TNFSF15: variants seen among roughly 807,000 people sequenced by gnomAD.
The protein encoded by TNFSF15 is tumor necrosis factor ligand superfamily member 15.
In TNFSF15, 15 loss-of-function variants were observed where a neutral mutation model predicts 26.4. The ratio of observed to expected loss-of-function variants is 0.57; its 90% confidence interval spans 0.38 to 0.87. The LOEUF (loss-of-function observed/expected upper bound fraction) is 0.87. Among genes scored for constraint, TNFSF15 ranks in the 40% least tolerant of loss-of-function variants. TNFSF15 has a pLI of 0.00. For missense variants in TNFSF15, 290 were observed against 306.1 expected, an observed-to-expected ratio of 0.95 and a Z score of 0.39; for synonymous variants, 116 against 115.0, an observed-to-expected ratio of 1.01 and a Z score of -0.06.
chr9:114,792,636 G>T (rs934014976), intron 2 of TNFSF15, 182 bp from the exon 3 acceptor site: 2 of 1,380,030 alleles, frequency 1.4e-6, no homozygotes, highest in South Asian at 1.4e-5. Context: ...GCACCACCAA[G>T]GACAGGGTGA....
intron 1 of TNFSF15, among the ~76,000 whole-genome samples, chr9:114,800,377 A>C (rs966926166): frequency 2.0e-5 from 3 of 152,090 alleles, no homozygotes; most frequent in Non-Finnish European, 4.4e-5. Flanking sequence ...CCCTCAGGGG[A>C]GGAAGAGGAC....
Position 114,786,083 on chromosome 9 carries a change from C to G in TNFSF15, c.*4369G>C, listed in dbSNP as rs1829495695. 1 of 152,338 alleles carries G rather than the reference C, an allele frequency of 6.6e-6. No homozygotes were observed. Among genetic ancestry groups the G allele is most frequent in the Non-Finnish European group, 1.5e-5 (1 of 68,044 alleles). 9.4% of individuals were successfully genotyped at this position (152,338 alleles called of 1,614,324 possible). ...GGCTCTGATCCACATTCTCTCACCA[C>G]TGGTGCAAAAGGATTCAAGGCTTAT... On this transcript the variant is annotated 3_prime_UTR_variant, in exon 4 of 4. Transcript: ENST00000374045.
At chr9:114,796,257 T>C (rs1235778374) in intron 1 of TNFSF15, among the ~76,000 whole-genome samples, 1 of 152,220 alleles carries the variant, frequency 6.6e-6, no homozygotes, top group Non-Finnish European at 1.5e-5. Context: ...AGTTTTCTCC[T>C]TTTCCTTGAT....
In TNFSF15 at chr9:114,790,331, T is replaced by A; in HGVS notation, c.*121A>T. On this transcript the variant is annotated 3_prime_UTR_variant, in exon 4 of 4. Transcript: ENST00000374045. ...CCCAAATTTCATAGCTAAACCGTTG[T>A]CCCTGTGGAATGCCCCCTACTCCCG... is the stretch of plus-strand genomic sequence containing the variant. The A allele has an allele frequency of 2.0e-6, 2 of 984,466 alleles. No individual in the cohort carries two copies. The highest frequency in any genetic ancestry group is 3.0e-6 in the Non-Finnish European group (2 of 663,310). 61.0% of individuals were successfully genotyped at this position (984,466 alleles called of 1,614,324 possible).
At chr9:114,795,652 T>C (rs1829664117) in intron 1 of TNFSF15, among the ~76,000 whole-genome samples, 1 of 152,168 alleles carries the variant, frequency 6.6e-6, no homozygotes, top group Non-Finnish European at 1.5e-5. Context: ...GATTTTGGTG[T>C]CCATGGGGGT....
intron 1 of TNFSF15, among the ~76,000 whole-genome samples, chr9:114,803,045 T>C (rs1829769798): frequency 6.6e-6 from 1 of 152,158 alleles, no homozygotes; most frequent in Non-Finnish European, 1.5e-5. Context: ...GACTGGTTTT[T>C]ACCCATAATG....
chr9:114,785,574 T>C lies in TNFSF15; in HGVS notation c.*4878A>G, dbSNP rs1441163275. The C allele has an allele frequency of 6.6e-6, 1 of 152,220 alleles. No individual in the cohort carries two copies. The highest frequency in any genetic ancestry group is 1.5e-5 in the Non-Finnish European group (1 of 68,032). The allele number at this position is 152,220 out of a possible 1,614,324, so 9.4% of individuals were successfully genotyped here. A position where few individuals can be genotyped will look rare whatever the true frequency, so the allele number is the denominator to read the frequency against. On this transcript the variant is annotated 3_prime_UTR_variant, in exon 4 of 4. Transcript: ENST00000374045. ...TGAAGAATAGCTTCTACAAAAACCC[T>C]TGTGACAAGCCCTTTGTTTGAGTAT... is the stretch of plus-strand genomic sequence containing the variant.
Position 114,785,111 on chromosome 9 carries a change from C to G in TNFSF15, c.*5341G>C, listed in dbSNP as rs1829477027. 6.6e-6 allele frequency: 1 copy of G among 152,160 alleles called. No homozygotes were observed. Among genetic ancestry groups the G allele is most frequent in the Non-Finnish European group, 1.5e-5 (1 of 68,038 alleles). 9.4% of individuals were successfully genotyped at this position (152,160 alleles called of 1,614,324 possible). A position where few individuals can be genotyped will look rare whatever the true frequency, so the allele number is the denominator to read the frequency against. Reference sequence around the variant, plus strand: ...CAAGTGCTGCCACGTGACAGATGCTCAAAACAAAAATGATTTACGAATGAA... The same window carrying G: ...CAAGTGCTGCCACGTGACAGATGCTGAAAACAAAAATGATTTACGAATGAA... On this transcript the variant is annotated 3_prime_UTR_variant, in exon 4 of 4. Transcript: ENST00000374045.
At chr9:114,794,286 T>G (rs1181858937) in intron 1 of TNFSF15, among the ~76,000 whole-genome samples, 3 of 152,208 alleles carry the variant, frequency 2.0e-5, no homozygotes, top group Admixed American at 6.5e-5. Context: ...TCAGAAAATC[T>G]ATGAGTTAGT....
At position 114,787,563 on chromosome 9, in the gene TNFSF15, T is replaced by C. The variant is rs1276342376; in HGVS notation, c.*2889A>G. 6 of 152,556 alleles carry C rather than the reference T, an allele frequency of 3.9e-5. No individual in the cohort carries two copies. Among genetic ancestry groups the C allele is most frequent in the Non-Finnish European group, 7.3e-5 (5 of 68,030 alleles). The allele number at this position is 152,556 out of a possible 1,614,324, so 9.5% of individuals were successfully genotyped here. A position where few individuals can be genotyped will look rare whatever the true frequency, so the allele number is the denominator to read the frequency against. ...TTTTCTCCCTAAATTTACTGTTTTC[T>C]AAAGCATGCTTCTTCCTCCCTCCCA... On this transcript the variant is annotated 3_prime_UTR_variant, in exon 4 of 4. Transcript: ENST00000374045.
At chr9:114,792,109 C>T (rs913092530) in intron 3 of TNFSF15, 4 of 371,850 alleles carry the variant, frequency 1.1e-5, no homozygotes, top group Non-Finnish European at 1.5e-5. Context: ...TACCTGCACT[C>T]ACATGCTTAT....
In TNFSF15 at chr9:114,803,158, G is replaced by A. The variant is rs145858988; in HGVS notation, c.210+2645C>T. 3.4e-3 allele frequency among the ~76,000 whole-genome samples: 522 copies of A among 152,158 alleles called. 2 individuals are homozygous for A. The highest frequency in any genetic ancestry group is 0.012 in the African/African-American group (491 of 41,520). ...CCACCCCTGTCTCTGTGGCTGGGCC[G>A]GGAGAGCATCTGAAATTCCATAGCA... On this transcript the variant is annotated intron_variant, in intron 1 of 3. Transcript: ENST00000374045.
At position 114,798,082 on chromosome 9, in the gene TNFSF15, C is replaced by T. The variant is rs1264570610; in HGVS notation, c.211-4514G>A. 2.0e-5 allele frequency among the ~76,000 whole-genome samples: 3 copies of T among 152,134 alleles called. No individual in the cohort carries two copies. In the East Asian group the frequency reaches 5.8e-4, roughly 29 times the overall value. Reference sequence around the variant, plus strand: ...AATCTAGGAAAGACAACTTTTTGTTCCTATTAAAAATGTTTGTCATTTAGT... The same window carrying T: ...AATCTAGGAAAGACAACTTTTTGTTTCTATTAAAAATGTTTGTCATTTAGT... On this transcript the variant is annotated intron_variant, in intron 1 of 3. Transcript: ENST00000374045.
chr9:114,793,596 C>A, intron 1 of TNFSF15, 28 bp from the exon 2 acceptor site: 1 of 1,611,704 alleles, frequency 6.2e-7, no homozygotes, highest in South Asian at 1.1e-5. Context: ...ATAGTTTAGA[C>A]CAACTGTGGT....
chr9:114,796,287 C>G (rs1829671216), intron 1 of TNFSF15, among the ~76,000 whole-genome samples: 1 of 152,152 alleles, frequency 6.6e-6, no homozygotes, highest in Non-Finnish European at 1.5e-5. Flanking sequence ...GGCCTGCCTT[C>G]AGAGGGCTTT....
chr9:114,805,976 C>T lies in TNFSF15; in HGVS notation c.37G>A (p.Ala13Thr), dbSNP rs1218308722. ...TGCTCTGGCAGCATTTCCACACTGG[C>T]TGTTTCCCCAAAGCTCAGTCCCAGA... The part of the protein sequence containing the change: ...EDLGLSFGET[A>T]SVEMLPEHGS... Residue 13 changes from alanine to threonine, a missense_variant, in exon 1 of 4, where the codon GCC becomes ACC. By Grantham distance (58) the Ala-to-Thr change is moderately conservative (BLOSUM62 0). Transcript: ENST00000374045. The T allele has an allele frequency of 1.9e-6, 3 of 1,613,966 alleles. No individual in the cohort carries two copies. Among genetic ancestry groups the T allele is most frequent in the Non-Finnish European group, 2.5e-6 (3 of 1,180,030 alleles).
chr9:114,795,147 G>A (rs529397740), intron 1 of TNFSF15, among the ~76,000 whole-genome samples: 15 of 151,924 alleles, frequency 9.9e-5, no homozygotes, highest in Middle Eastern at 3.4e-3. Context: ...AATATCACAT[G>A]TACCCCACAC....
chr9:114,805,905 A>G lies in TNFSF15; in HGVS notation c.108T>C (p.Ala36=). 1 of 1,614,094 alleles carries G rather than the reference A, an allele frequency of 6.2e-7. No homozygotes were observed. ...PKARSSSARW[A]LTCCLVLLPF... ...GGAGCAACACCAGGCAGCAGGTGAG[A>G]GCCCAGCGTGCGCTGCTGCTCCTGG... Residue 36 remains alanine, a synonymous_variant, in exon 1 of 4, where the codon GCT becomes GCC. Transcript: ENST00000374045.
At chr9:114,795,536 T>A (rs1829662864) in intron 1 of TNFSF15, among the ~76,000 whole-genome samples, 2 of 152,206 alleles carry the variant, frequency 1.3e-5, no homozygotes, top group South Asian at 4.1e-4. Context: ...TTACACTGTA[T>A]TAGGTATCAC....
Sources: gnomAD v4.1 joint callset for allele counts (sites outside exome capture counted in the v4.1 genomes callset) on GRCh38, gnomAD v4.1.1 for gene constraint, MANE v1.5 for transcripts, NCBI Gene and HGNC (gene_info 2026-07-23, HGNC 2026-07-21) for gene names.